Variants in SPEG observed in about 807,000 individuals in gnomAD.
The protein encoded by SPEG is striated muscle preferentially expressed protein kinase.
In SPEG, 114 loss-of-function variants were observed where a neutral mutation model predicts 300.4. That is an observed-to-expected ratio of 0.38 (90% CI 0.33 to 0.44). SPEG has a LOEUF of 0.44. Among genes scored for constraint, SPEG ranks in the 20% least tolerant of loss-of-function variants. The pLI, the probability that SPEG is intolerant of heterozygous loss-of-function variation, is 1.00. For synonymous variants in SPEG, 1,964 were observed against 2,018.9 expected (o/e 0.97, Z 0.73); for missense variants, 4,201 against 4,586.2 (o/e 0.92, Z 2.43).
chr2:219,441,468 C>T, intron 1 of SPEG: 1 of 465,224 alleles, frequency 2.1e-6, no homozygotes. Context: ...TTGACCTAGG[C>T]GCCCCCACCC....
At chr2:219,447,216 G>C (rs982401956) in intron 3 of SPEG, among the ~76,000 whole-genome samples, 12 of 151,528 alleles carry the variant, frequency 7.9e-5, no homozygotes, top group African/African-American at 2.9e-4. Context: ...ATCCCTGTGG[G>C]GGGGGGCCTT....
Position 219,442,352 on chromosome 2 carries a change from G to A in SPEG, c.389-2301G>A, listed in dbSNP as rs1575036447. On this transcript the variant is annotated intron_variant, in intron 1 of 40. Transcript: ENST00000312358. ...CCCGCGACCACCGGGGAAGGCCCCC[G>A]CTGCAGCGTTCGGCGTGGAGCGCCC... 3.3e-5 allele frequency among the ~76,000 whole-genome samples: 5 copies of A among 151,284 alleles called. No homozygotes were observed. The South Asian group carries it at 1.1e-3, about 32-fold the overall frequency.
chr2:219,440,484 G>C (rs1954831625), intron 1 of SPEG, among the ~76,000 whole-genome samples: 1 of 152,106 alleles, frequency 6.6e-6, no homozygotes, highest in East Asian at 1.9e-4. Context: ...GGTGCGCTGA[G>C]CTCAGGCATG....
chr2:219,451,879 A>T lies in SPEG; in HGVS notation c.2440+72A>T. 1.4e-6 allele frequency: 2 copies of T among 1,392,560 alleles called. No individual in the cohort carries two copies. Among genetic ancestry groups the T allele is most frequent in the Non-Finnish European group, 9.5e-7 (1 of 1,051,022 alleles). 86.3% of individuals were successfully genotyped at this position (1,392,560 alleles called of 1,614,324 possible). On this transcript the variant is annotated intron_variant, in intron 6 of 40. Transcript: ENST00000312358. This position sits in a 1 kb window ranked among gnomAD's most constrained non-coding sequence, Gnocchi z 6.4. The stretch of plus-strand genomic sequence containing the variant: ...TCTCCCCTGGCCCAGGCCCCAGTCC[A>T]CCTCCCTTCCCACTCTCAGCCTTGA...
At chr2:219,478,696 G>T (rs1198109608) in intron 22 of SPEG, among the ~76,000 whole-genome samples, 2 of 152,146 alleles carry the variant, frequency 1.3e-5, no homozygotes, top group Non-Finnish European at 2.9e-5. Context: ...CCTCCTGCCT[G>T]CACTGTTTGA....
rs565363133 is a variant in SPEG, at chr2:219,484,588, C to T, written c.7125C>T (p.Pro2375=). 1 of 1,574,338 alleles carries T rather than the reference C, an allele frequency of 6.4e-7. No individual in the cohort carries two copies. Among genetic ancestry groups the T allele is most frequent in the African/African-American group, 1.4e-5 (1 of 74,036 alleles). ...AGGAGGAGGATGGCATATACCGGCC[C>T]AGCCCGGCGGGGACCCCGCTGGAGC... ...GAEEEDGIYR[P]SPAGTPLELV... is the part of the protein sequence containing the mutation. Residue 2375 remains proline, a synonymous_variant, in exon 30 of 41, where the codon CCC becomes CCT. Coordinates refer to ENST00000312358, the MANE Select transcript of SPEG (RefSeq NM_005876.5).
Position 219,449,315 on chromosome 2 carries a change from G to A in SPEG, c.2113+44G>A, listed in dbSNP as rs968028850. 20 of 1,340,102 alleles carry A rather than the reference G, an allele frequency of 1.5e-5. No homozygotes were observed. In the South Asian group the frequency reaches 3.2e-4, roughly 22 times the overall value. 83.0% of individuals were successfully genotyped at this position (1,340,102 alleles called of 1,614,324 possible). On this transcript the variant is annotated intron_variant, in intron 4 of 40. Transcript: ENST00000312358. ...CTGACAAGGTGCCTGAACCCCCGTC[G>A]GGGGGCGTTTGTGGAGAGCAAGACT...
chr2:219,453,219 T>C (rs1223029343), intron 6 of SPEG, among the ~76,000 whole-genome samples: 1 of 152,160 alleles, frequency 6.6e-6, no homozygotes, highest in East Asian at 1.9e-4. Context: ...TCAGGGCCAT[T>C]TGGGAGCCTT....
chr2:219,492,750 C>T lies in SPEG; in HGVS notation c.9768C>T (p.His3256=), dbSNP rs1160226184. The T allele has an allele frequency of 6.2e-7, 1 of 1,601,444 alleles. No homozygotes were observed. The highest frequency in any genetic ancestry group is 1.1e-5 in the South Asian group (1 of 90,746). ...GCCGGGCTGAGGCTGCCACCCGCCA[C>T]AAGGTGCTGCTGCGCTCCTACCCTG... ...RRRRAEAATR[H]KVLLRSYPGG... The change falls in exon 41 of 41, where the codon CAC becomes CAT. Residue 3256 remains histidine (H), a synonymous_variant. Transcript: ENST00000312358.
In SPEG at chr2:219,449,237, A is replaced by G; in HGVS notation, c.2079A>G (p.Lys693=). The stretch of plus-strand genomic sequence containing the variant: ...GCCGAGGGGCCCGCAGCCAGGGCAA[A>G]GGTCGCCGGGCCCGGCCCACCTCCC... ...WDRRGARSQG[K]GRRARPTSPE... Residue 693 remains lysine, a synonymous_variant, in exon 4 of 41, where the codon AAA becomes AAG. Coordinates refer to ENST00000312358, the MANE Select transcript of SPEG (RefSeq NM_005876.5). The G allele has an allele frequency of 7.2e-7, 1 of 1,391,936 alleles. No individual in the cohort carries two copies. The allele number at this position is 1,391,936 out of a possible 1,614,324, so 86.2% of individuals were successfully genotyped here.
In SPEG at chr2:219,448,129, C is replaced by T. The variant is rs755852769; in HGVS notation, c.971C>T (p.Pro324Leu). 3 of 1,605,292 alleles carry T rather than the reference C, an allele frequency of 1.9e-6. No homozygotes were observed. The highest frequency in any genetic ancestry group is 1.3e-5 in the African/African-American group (1 of 74,710). Residue 324 changes from proline to leucine, a missense_variant, in exon 4 of 41, where the codon CCC (proline) becomes CTC (leucine). Physicochemically the swap from Pro to Leu is moderately conservative, Grantham distance 98. Around this residue, in one of 4 missense-constraint regions of SPEG, gnomAD observed 1,258 missense variants for 1,293.9 expected, o/e 0.97. Transcript: ENST00000312358. Reference protein sequence around the residue: ...PRVGKRSPPGPPAQPAATPTS... With the variant: ...PRVGKRSPPGLPAQPAATPTS... ...GTCGGGAAGCGGTCCCCGCCGGGAC[C>T]CCCGGCCCAGCCCGCGGCCACCCCC...
rs79545988 is a variant in SPEG at position 219,453,295 on chromosome 2, C to T, written c.2440+1488C>T. On this transcript the variant is annotated intron_variant, in intron 6 of 40. Coordinates refer to ENST00000312358, the MANE Select transcript of SPEG (RefSeq NM_005876.5). ...CCCTTGACTGAGAGTTCTGTATTTG[C>T]GGCATAGAACCTCCTGAGCTTCAGT... Among the ~76,000 whole-genome samples the T allele has an allele frequency of 2.0e-5, 3 of 152,320 alleles. No individual in the cohort carries two copies. In the East Asian group the frequency reaches 5.8e-4, roughly 29 times the overall value.
intron 1 of SPEG, among the ~76,000 whole-genome samples, chr2:219,438,917 T>C (rs562929451): frequency 1.9e-4 from 29 of 152,354 alleles, no homozygotes; most frequent in Non-Finnish European, 3.5e-4. Context: ...AGGAATATTC[T>C]GCAGTTATTC....
At chr2:219,482,042 C>T (rs1210941534) in intron 28 of SPEG, 6 of 335,564 alleles carry the variant, frequency 1.8e-5, no homozygotes, top group East Asian at 1.6e-4. Flanking sequence ...CACACAATAG[C>T]GTTGGGGGTG....
chr2:219,477,827 T>A lies in SPEG; in HGVS notation c.4826+42T>A. Reference sequence around the variant, plus strand: ...GAAGCCAGTGGGGGCCGAGAGAGGCTGCTGGGTCTGAGGGTTGGGAGGGGT... The same window carrying A: ...GAAGCCAGTGGGGGCCGAGAGAGGCAGCTGGGTCTGAGGGTTGGGAGGGGT... On this transcript the variant is annotated intron_variant, in intron 21 of 40. Transcript: ENST00000312358. This position sits in a 1 kb window ranked among gnomAD's most constrained non-coding sequence, Gnocchi z 6.4. The A allele has an allele frequency of 6.3e-7, 1 of 1,593,632 alleles. No individual in the cohort carries two copies. Among genetic ancestry groups the A allele is most frequent in the Non-Finnish European group, 8.6e-7 (1 of 1,165,210 alleles).
Position 219,449,228 on chromosome 2 carries a change from C to A in SPEG, c.2070C>A (p.Ser690Arg). Residue 690 changes from serine (S) to arginine (R), a missense_variant, in exon 4 of 41, where the codon AGC becomes AGA. Physicochemically the swap from Ser to Arg is moderately radical, Grantham distance 110 (BLOSUM62 -1). Coordinates refer to ENST00000312358, the MANE Select transcript of SPEG (RefSeq NM_005876.5). The stretch of plus-strand genomic sequence containing the variant: ...CCTGGGACCGCCGAGGGGCCCGCAG[C>A]CAGGGCAAAGGTCGCCGGGCCCGGC... ...WGPWDRRGAR[S>R]QGKGRRARPT... 1 of 1,393,166 alleles carries A rather than the reference C, an allele frequency of 7.2e-7. No individual in the cohort carries two copies. Among genetic ancestry groups the A allele is most frequent in the Non-Finnish European group, 9.3e-7 (1 of 1,074,366 alleles). 86.3% of individuals were successfully genotyped at this position (1,393,166 alleles called of 1,614,324 possible).
At chr2:219,441,877 T>TGCCGCCGCCGTCGCC (rs1688939170) in intron 1 of SPEG, 1 of 213,086 alleles carries the variant, frequency 4.7e-6, no homozygotes, top group Non-Finnish European at 9.2e-6. Flanking sequence ...CCGCCGCTGC[T>TGCCGCCGCCGTCGCC]GCCGCCGCCG....
At position 219,458,603 on chromosome 2, in the gene SPEG, A is replaced by G. The variant is rs145547887; in HGVS notation, c.2441-3279A>G. 6.2e-4 allele frequency among the ~76,000 whole-genome samples: 94 copies of G among 152,286 alleles called. No homozygotes were observed. The highest frequency in any genetic ancestry group is 2.1e-3 in the African/African-American group (89 of 41,572). The stretch of plus-strand genomic sequence containing the variant: ...TGTGCCCAAGATGGGAGACCAGGTC[A>G]TGCCAGGGGAAGCACATGGGCTGTG... On this transcript the variant is annotated intron_variant, in intron 6 of 40. Coordinates refer to ENST00000312358, the MANE Select transcript of SPEG (RefSeq NM_005876.5). This position sits in a 1 kb window ranked among gnomAD's most constrained non-coding sequence, Gnocchi z 4.2.
Position 219,443,549 on chromosome 2 carries a change from C to T in SPEG, c.389-1104C>T, listed in dbSNP as rs754854808. The T allele has an allele frequency of 1.0e-5, 3 of 297,364 alleles. No individual in the cohort carries two copies. The highest frequency in any genetic ancestry group is 7.3e-5 in the South Asian group (2 of 27,234). 18.4% of individuals were successfully genotyped at this position (297,364 alleles called of 1,614,324 possible). A position where few individuals can be genotyped will look rare whatever the true frequency, so the allele number is the denominator to read the frequency against. ...CCAGGAACCTTTTCTCCTAACCTAA[C>T]CACTGGGCATTTTTGAGGACGATTC... On this transcript the variant is annotated intron_variant, in intron 1 of 40. Transcript: ENST00000312358. This position sits in a 1 kb window ranked among gnomAD's most constrained non-coding sequence, Gnocchi z 4.6.
Sources: gnomAD v4.1 joint callset for allele counts (sites outside exome capture counted in the v4.1 genomes callset) on GRCh38, gnomAD v4.1.1 for gene constraint, gnomAD v4.1.1 regional missense constraint, Gnocchi (gnomAD v3.1) non-coding constraint, MANE v1.5 for transcripts, NCBI Gene and HGNC (gene_info 2026-07-23, HGNC 2026-07-21) for gene names.